Variants in NOTCH2NLB observed in about 807,000 individuals in gnomAD.
NOTCH2NLB encodes the protein notch homolog 2 N-terminal-like protein B.
In NOTCH2NLB, 1 loss-of-function variant was observed where a neutral mutation model predicts 14.8. That is an observed-to-expected ratio of 0.07 (90% CI 0.02 to 0.32). The LOEUF is 0.32. Among genes scored for constraint, NOTCH2NLB ranks in the 10% least tolerant of loss-of-function variants. The probability of loss-of-function intolerance (pLI) is 1.00; values close to 1 mark genes in which losing one functional copy is unlikely to be tolerated. For missense variants in NOTCH2NLB, 11 were observed against 155.0 expected (o/e 0.07, Z 4.93); for synonymous variants, 6 against 57.5 (o/e 0.10, Z 4.05).
chr1:148,636,923 A>G (rs1344347098), intron 2 of NOTCH2NLB, among the ~76,000 whole-genome samples: 9,432 of 145,602 alleles, frequency 0.065, 1,420 homozygotes, highest in African/African-American at 0.22. Context: ...TGGCCTCACC[A>G]AATTTTTTCT....
chr1:148,670,529 T>TAAAA (rs1222724470), intron 1 of NOTCH2NLB, among the ~76,000 whole-genome samples: 1 of 96,100 alleles, frequency 1.0e-5, no homozygotes, highest in African/African-American at 3.5e-5. Flanking sequence ...GTTCATAAAC[T>TAAAA]AAAAAAAAAA....
chr1:148,650,561 CT>C (rs1159352262), intron 1 of NOTCH2NLB, among the ~76,000 whole-genome samples: 1 of 151,832 alleles, frequency 6.6e-6, no homozygotes, highest in African/African-American at 2.4e-5. Context: ...TATTATTATA[CT>C]TTAAGTTTTA....
chr1:148,622,386 T>A (rs1245162275), intron 2 of NOTCH2NLB, among the ~76,000 whole-genome samples: 12 of 88,190 alleles, frequency 1.4e-4, no homozygotes, highest in Admixed American at 4.2e-4. Flanking sequence ...AAAAAAAAAA[T>A]TCACAGCTAG....
chr1:148,674,858 TC>T (rs1188435426), intron 1 of NOTCH2NLB, among the ~76,000 whole-genome samples: 1 of 147,004 alleles, frequency 6.8e-6, no homozygotes, highest in Non-Finnish European at 1.5e-5. Flanking sequence ...CTCTCTTGGT[TC>T]AAAAAAAAAA....
At chr1:148,703,284 T>A in the NOTCH2NLB span, among the ~76,000 whole-genome samples, 8 of 131,724 alleles carry the variant, frequency 6.1e-5, no homozygotes, top group African/African-American at 1.8e-4. Context: ...AGCAAGACTC[T>A]GTCTCAAAAA....
the NOTCH2NLB span, among the ~76,000 whole-genome samples, chr1:148,707,980 G>A: frequency 1.4e-5 from 1 of 69,476 alleles, no homozygotes. Context: ...CTTTTCTACT[G>A]GTGTAGCATT....
At chr1:148,601,323 C>G in the NOTCH2NLB span, among the ~76,000 whole-genome samples, 1 of 147,378 alleles carries the variant, frequency 6.8e-6, no homozygotes, top group Non-Finnish European at 1.5e-5. Flanking sequence ...CTGTAAGAAA[C>G]AGTCTACCCA....
chr1:148,607,933 A>T (rs2149597433), intron 3 of NOTCH2NLB, among the ~76,000 whole-genome samples, 188 bp from the exon 4 acceptor site: 1 of 139,364 alleles, frequency 7.2e-6, no homozygotes, highest in South Asian at 2.3e-4. Context: ...CTCTCCAAGG[A>T]CCTCAGCAGA....
At chr1:148,645,561 G>A (rs1459805898) in intron 1 of NOTCH2NLB, among the ~76,000 whole-genome samples, 1 of 148,280 alleles carries the variant, frequency 6.7e-6, no homozygotes, top group Admixed American at 6.7e-5. Flanking sequence ...CACTTCCACT[G>A]CATTCTCTGC....
intron 1 of NOTCH2NLB, among the ~76,000 whole-genome samples, chr1:148,651,162 A>AAAAAAAT (rs1553341433): frequency 4.3e-5 from 2 of 46,042 alleles, no homozygotes; most frequent in African/African-American, 1.5e-4. Context: ...AAAAAAAAAA[A>AAAAAAAT]ATATATATAT....
the NOTCH2NLB span, among the ~76,000 whole-genome samples, chr1:148,712,388 A>C: frequency 1.9e-3 from 288 of 150,382 alleles, no homozygotes; most frequent in African/African-American, 6.6e-3. Context: ...GAGTGCAAGG[A>C]GTTGGAAGGC....
intron 2 of NOTCH2NLB, among the ~76,000 whole-genome samples, chr1:148,639,116 G>C (rs1664283467): frequency 7.0e-6 from 1 of 142,092 alleles, no homozygotes; most frequent in Non-Finnish European, 1.5e-5. Context: ...TAGATGGTTG[G>C]AGAAAAAGGA....
chr1:148,700,671 T>C, the NOTCH2NLB span, among the ~76,000 whole-genome samples: 1 of 3,338 alleles, frequency 3.0e-4, no homozygotes, highest in East Asian at 0.02. Context: ...CATGTATGAC[T>C]TCTTTTGAGA....
At chr1:148,608,386 CA>C (rs1361551091) in intron 3 of NOTCH2NLB, among the ~76,000 whole-genome samples, 2,431 of 124,490 alleles carry the variant, frequency 0.02, 26 homozygotes, top group African/African-American at 0.065. Context: ...GACTCCATTT[CA>C]AAAAAAAAAA....
chr1:148,651,157 AAAAAAATATAT>A (rs1339525233), intron 1 of NOTCH2NLB, among the ~76,000 whole-genome samples: 201 of 82,994 alleles, frequency 2.4e-3, no homozygotes, highest in African/African-American at 6.9e-3. Context: ...AAAAAAAAAA[AAAAAAATATAT>A]ATATATATAT....
At chr1:148,712,457 A>C in the NOTCH2NLB span, among the ~76,000 whole-genome samples, 1 of 152,284 alleles carries the variant, frequency 6.6e-6, no homozygotes, top group Non-Finnish European at 1.5e-5. Context: ...TTTCCTGGGA[A>C]TATGTGATGA....
chr1:148,602,295 ATG>A (rs1663394209), downstream of NOTCH2NLB, among the ~76,000 whole-genome samples: 1 of 84,280 alleles, frequency 1.2e-5, no homozygotes, highest in Admixed American at 1.2e-4. Context: ...AGAAAAGAAA[ATG>A]ACACATGCCC....
chr1:148,627,669 TTTCA>T (rs1664013422), intron 2 of NOTCH2NLB, among the ~76,000 whole-genome samples: 1 of 151,928 alleles, frequency 6.6e-6, no homozygotes, highest in South Asian at 2.1e-4. Context: ...AGCCCTAAAA[TTTCA>T]TTGTCTCAAC....
In NOTCH2NLB at chr1:148,633,325, G is replaced by A. The variant is rs1193152714; in HGVS notation, c.77+6691C>T. On this transcript the variant is annotated intron_variant, in intron 2 of 4. Coordinates refer to ENST00000593495, the Ensembl canonical transcript of NOTCH2NLB. ...TCCCAGCACTTTGGGAGGCCGAGGC[G>A]GGCAGATCATGAGGTCAGGAGATAG... 1.2e-4 allele frequency among the ~76,000 whole-genome samples: 14 copies of A among 115,982 alleles called. 1 individual carries two copies. The highest frequency in any genetic ancestry group is 2.0e-4 in the African/African-American group (5 of 24,870). 76.1% of individuals were successfully genotyped at this position (115,982 alleles called of 152,430 possible). A position where few individuals can be genotyped will look rare whatever the true frequency, so the allele number is the denominator to read the frequency against.
Sources: allele counts gnomAD v4.1 joint callset (sites outside exome capture counted in the v4.1 genomes callset), GRCh38; gene constraint gnomAD v4.1.1; transcripts MANE v1.5; gene names NCBI Gene and HGNC (gene_info 2026-07-23, HGNC 2026-07-21).